The following RNPC3 variants were observed in gnomAD, a reference collection of about 807,000 sequenced individuals.
RNPC3 encodes the protein RNA-binding region-containing protein 3.
A neutral mutation model predicts 67.5 loss-of-function variants in RNPC3; 48 were observed. The observed-to-expected ratio is 0.71, with a 90% confidence interval of 0.56 to 0.90. The LOEUF (loss-of-function observed/expected upper bound fraction) is 0.90. Among genes scored for constraint, RNPC3 ranks in the 40% least tolerant of loss-of-function variants. The pLI is 0.00. For missense variants in RNPC3, 637 were observed against 626.1 expected, an observed-to-expected ratio of 1.02 and a Z score of -0.19; for synonymous variants, 239 against 210.3, an observed-to-expected ratio of 1.14 and a Z score of -1.18.
At chr1:103,539,617 G>C (rs182433836) in intron 7 of RNPC3, among the ~76,000 whole-genome samples, 5 of 152,288 alleles carry the variant, frequency 3.3e-5, no homozygotes, top group African/African-American at 1.2e-4. Flanking sequence ...ATGTAGTGAG[G>C]AATTCTGCCA....
chr1:103,546,356 G>T lies in RNPC3; in HGVS notation c.1302+14G>T, dbSNP rs1182215180. On this transcript the variant is annotated intron_variant, in intron 11 of 14. Coordinates refer to ENST00000423855, the MANE Select transcript of RNPC3 (RefSeq NM_017619.4). The stretch of plus-strand genomic sequence containing the variant: ...GTTCAAGAAAAGGTAGGTATAAATT[G>T]ATTTTTTTTCATGTAAATGAAAATA... The T allele has an allele frequency of 9.4e-6, 12 of 1,271,492 alleles. No individual in the cohort carries two copies. The Admixed American group carries it at 2.1e-4, about 23-fold the overall frequency. The allele number at this position is 1,271,492 out of a possible 1,614,324, so 78.8% of individuals were successfully genotyped here.
chr1:103,548,478 A>G (rs762603772), intron 12 of RNPC3, among the ~76,000 whole-genome samples: 3 of 152,324 alleles, frequency 2.0e-5, no homozygotes, highest in Admixed American at 2.0e-4. Context: ...TTGCCAAAAC[A>G]AAGAGTTTGC....
intron 14 of RNPC3, chr1:103,552,803 T>G: frequency 6.6e-6 from 1 of 152,124 alleles, no homozygotes; most frequent in East Asian, 1.9e-4. Flanking sequence ...TATATAAAAT[T>G]ATTAACACAT....
At chr1:103,535,608 T>G (rs1650964901) in intron 5 of RNPC3, among the ~76,000 whole-genome samples, 167 bp downstream of exon 5, 1 of 152,076 alleles carries the variant, frequency 6.6e-6, no homozygotes. Context: ...TTTTATAAGG[T>G]ATCGTATAAG....
At chr1:103,526,379 A>G in intron 1 of RNPC3, 117 bp downstream of exon 1, 1 of 770,644 alleles carries the variant, frequency 1.3e-6, no homozygotes. Context: ...GTGTGATGAG[A>G]GCTCCCCCAT....
In RNPC3 at chr1:103,526,151, A is replaced by T. The variant is rs1482345598; in HGVS notation, c.81A>T (p.Arg27=). 4.5e-6 allele frequency: 7 copies of T among 1,551,378 alleles called. No homozygotes were observed. In the Admixed American group the frequency reaches 1.2e-4, roughly 26 times the overall value. The part of the protein sequence containing the change: ...SSSLSPPRGD[R]TLLVRHLPAE... ...CGCTTTCCCCGCCTCGGGGCGACCGAACCCTTCTGGTCAGGCACCTGCCGG... is the reference window on the plus strand; with the variant it reads ...CGCTTTCCCCGCCTCGGGGCGACCGTACCCTTCTGGTCAGGCACCTGCCGG... Residue 27 remains arginine (R), a synonymous_variant, in exon 1 of 15, where the codon CGA becomes CGT. Coordinates refer to ENST00000423855, the MANE Select transcript of RNPC3 (RefSeq NM_017619.4).
chr1:103,528,774 GGA>G (rs1650774328), intron 2 of RNPC3, among the ~76,000 whole-genome samples: 1 of 152,174 alleles, frequency 6.6e-6, no homozygotes, highest in Non-Finnish European at 1.5e-5. Flanking sequence ...TAATAAGCTA[GGA>G]GAGAAGAATG....
At chr1:103,533,484 C>G (rs1203225854) in intron 2 of RNPC3, among the ~76,000 whole-genome samples, 2 of 151,906 alleles carry the variant, frequency 1.3e-5, no homozygotes, top group African/African-American at 4.8e-5. Flanking sequence ...GTTTTCTAGC[C>G]ATTTTCAGCT....
At chr1:103,544,270 C>T (rs12145598) in intron 9 of RNPC3, among the ~76,000 whole-genome samples, 113 of 151,686 alleles carry the variant, frequency 7.4e-4, no homozygotes, top group Non-Finnish European at 1.4e-3. Context: ...AATGTTTTGA[C>T]GGTATTTATC....
intron 9 of RNPC3, among the ~76,000 whole-genome samples, chr1:103,544,044 T>C (rs1268844789): frequency 6.6e-6 from 1 of 151,734 alleles, no homozygotes; most frequent in Admixed American, 6.6e-5. Flanking sequence ...TACAAGTTGA[T>C]AGAAATGTAA....
In RNPC3 at chr1:103,547,003, T is replaced by C. The variant is rs764842114; in HGVS notation, c.1329T>C (p.Tyr443=). 9.4e-6 allele frequency: 14 copies of C among 1,494,080 alleles called. No homozygotes were observed. The African/African-American group carries it at 1.4e-4, about 15-fold the overall frequency. 92.6% of individuals were successfully genotyped at this position (1,494,080 alleles called of 1,614,324 possible). Residue 443 remains tyrosine, a synonymous_variant, in exon 12 of 15, where the codon TAT becomes TAC. Transcript: ENST00000423855. ...ACCTTAAATATATTTTTGGAAGATA[T>C]GTTGACTTTTCATCAGAAACACAGC... The part of the protein sequence containing the change: ...EKDLKYIFGR[Y]VDFSSETQRI...
At chr1:103,526,602 C>T (rs1371710849) in intron 1 of RNPC3, among the ~76,000 whole-genome samples, 1 of 152,126 alleles carries the variant, frequency 6.6e-6, no homozygotes, top group Non-Finnish European at 1.5e-5. Flanking sequence ...CAAGAGTATT[C>T]TTACAAATGT....
chr1:103,540,569 A>G (rs1445736530), intron 7 of RNPC3, among the ~76,000 whole-genome samples: 1 of 152,212 alleles, frequency 6.6e-6, no homozygotes, highest in East Asian at 1.9e-4. Flanking sequence ...GGTTTAAATT[A>G]CAGCATATGT....
chr1:103,530,658 T>G (rs1232084116), intron 2 of RNPC3, among the ~76,000 whole-genome samples: 1 of 152,140 alleles, frequency 6.6e-6, no homozygotes, highest in East Asian at 1.9e-4. Flanking sequence ...GGGGGTGACC[T>G]TGGTATTTCA....
At chr1:103,527,855 G>T (rs1389764064) in intron 2 of RNPC3, 113 bp downstream of exon 2, 2 of 711,156 alleles carry the variant, frequency 2.8e-6, no homozygotes, top group African/African-American at 1.8e-5. Context: ...TATTCCAACA[G>T]TTTCCCCAAC....
intron 9 of RNPC3, 127 bp from the exon 10 acceptor site, chr1:103,544,814 A>T: frequency 1.8e-6 from 1 of 544,650 alleles, no homozygotes; most frequent in Non-Finnish European, 3.0e-6. Flanking sequence ...CTTTTAGTAT[A>T]TTGAGAAACA....
chr1:103,553,640 A>T (rs1256043451), intron 14 of RNPC3: 1 of 152,200 alleles, frequency 6.6e-6, no homozygotes, highest in Non-Finnish European at 1.5e-5. Context: ...TCCTAAACCT[A>T]ATTCAATAAC....
In RNPC3 at chr1:103,535,386, C is replaced by A; in HGVS notation, c.500C>A (p.Thr167Lys). 6.5e-7 allele frequency: 1 copy of A among 1,535,794 alleles called. No homozygotes were observed. Among genetic ancestry groups the A allele is most frequent in the East Asian group, 2.5e-5 (1 of 40,816 alleles). Residue 167 changes from threonine to lysine, a missense_variant, in exon 5 of 15, where the codon ACA (threonine) becomes AAA (lysine). Thr to Lys is a moderately conservative substitution (Grantham distance 78). Transcript: ENST00000423855. The stretch of plus-strand genomic sequence containing the variant: ...TATATGTACCCACCACCTTCCAGCA[C>A]AATCCTAGCAAACATTGTAAATGCC... ...LKYMYPPPSS[T>K]ILANIVNALA...
In RNPC3 at chr1:103,536,212, AT is replaced by A. The variant is rs1351470310; in HGVS notation, c.624+22del. On this transcript the variant is annotated intron_variant, in intron 6 of 14. Transcript: ENST00000423855. ...CTCCCATGGTAAGAAAACTCTTAGA[AT>A]TTTCAAGTCAAAATTTCTCTTCCTG... The A allele has an allele frequency of 2.0e-6, 3 of 1,521,484 alleles. No individual in the cohort carries two copies. The Admixed American group carries it at 5.9e-5, about 30-fold the overall frequency. The allele number at this position is 1,521,484 out of a possible 1,614,324, so 94.2% of individuals were successfully genotyped here. A position where few individuals can be genotyped will look rare whatever the true frequency, so the allele number is the denominator to read the frequency against.
Sources: allele counts gnomAD v4.1 joint callset (sites outside exome capture counted in the v4.1 genomes callset), GRCh38; gene constraint gnomAD v4.1.1; transcripts MANE v1.5; gene names NCBI Gene and HGNC (gene_info 2026-07-23, HGNC 2026-07-21).